The following FRMPD4 variants were observed in gnomAD, a reference collection of about 807,000 sequenced individuals.
FRMPD4 encodes FERM and PDZ domain containing 4.
FRMPD4 carries 22 observed loss-of-function variants against 94.1 expected under a neutral mutation model. The observed-to-expected ratio is 0.23, with a 90% CI of 0.17 to 0.33. The LOEUF (loss-of-function observed/expected upper bound fraction) is 0.33, where lower values mean the gene tolerates loss of function less well. Ranked by LOEUF, FRMPD4 falls within the 10% of genes least tolerant of loss-of-function variation. FRMPD4 has a pLI of 1.00. For missense variants in FRMPD4, 1,111 were observed against 1,339.9 expected (o/e 0.83, Z 2.67); for synonymous variants, 631 against 548.6 (o/e 1.15, Z -2.10).
intron 2 of FRMPD4, among the ~76,000 whole-genome samples, chrX:12,507,775 G>T (rs1174390304): frequency 9.0e-6 from 1 of 111,596 alleles, no homozygotes; most frequent in Non-Finnish European, 1.9e-5. Flanking sequence ...TACCTTAAAG[G>T]TTGTTCTAGG....
intron 12 of FRMPD4, 64 bp from the exon 13 acceptor site, chrX:12,707,405 G>A (rs2041897310): frequency 1.2e-6 from 1 of 836,879 alleles, no homozygotes; most frequent in Non-Finnish European, 1.7e-6. Flanking sequence ...TAGGATCATA[G>A]GTTCAAGTTG....
intron 1 of FRMPD4, among the ~76,000 whole-genome samples, chrX:12,346,645 C>G (rs1399154362): frequency 9.0e-6 from 1 of 111,511 alleles, no homozygotes; most frequent in Non-Finnish European, 1.9e-5. Flanking sequence ...AATTTGGAGT[C>G]TGCCTCCTAG....
intron 3 of FRMPD4, among the ~76,000 whole-genome samples, chrX:11,960,757 C>T (rs1214126004): frequency 8.9e-6 from 1 of 111,962 alleles, no homozygotes; most frequent in Non-Finnish European, 1.9e-5. Context: ...TATATATCTG[C>T]TACCTCCATG....
chrX:12,481,826 C>CA (rs2148195990), intron 1 of FRMPD4, among the ~76,000 whole-genome samples: 1 of 104,030 alleles, frequency 9.6e-6, no homozygotes, highest in East Asian at 3.0e-4. Context: ...CCTGTAGTCC[C>CA]AGCTGCTGGG....
chrX:12,436,045 G>A (rs189101715), intron 1 of FRMPD4, among the ~76,000 whole-genome samples: 3 of 110,935 alleles, frequency 2.7e-5, no homozygotes, highest in African/African-American at 6.6e-5. Context: ...TTGCTCTGTC[G>A]CCCAAGCTGG....
chrX:12,331,848 A>G (rs187193115), intron 1 of FRMPD4, among the ~76,000 whole-genome samples: 74 of 47,510 alleles, frequency 1.6e-3, no homozygotes, highest in South Asian at 2.5e-3. Context: ...TTTATATACT[A>G]TATATAAATT....
chrX:12,098,737 C>T (rs1198720615), intron 3 of FRMPD4, among the ~76,000 whole-genome samples: 1 of 110,787 alleles, frequency 9.0e-6, no homozygotes, highest in Admixed American at 9.6e-5. Context: ...GATGCTGCAT[C>T]CTACAAAGCA....
intron 3 of FRMPD4, among the ~76,000 whole-genome samples, chrX:11,953,078 C>A (rs948973516): frequency 9.0e-6 from 1 of 110,906 alleles, no homozygotes; most frequent in East Asian, 2.8e-4. Context: ...ATAAGTAGAC[C>A]AACTCAAACC....
At chrX:12,608,112 T>G (rs1201251011) in intron 2 of FRMPD4, among the ~76,000 whole-genome samples, 2 of 112,625 alleles carry the variant, frequency 1.8e-5, no homozygotes, top group African/African-American at 3.2e-5. Flanking sequence ...TGAAATAATC[T>G]TAGCTTACAT....
intron 1 of FRMPD4, among the ~76,000 whole-genome samples, chrX:11,846,647 TAACC>T (rs1330254608): frequency 9.3e-6 from 1 of 107,628 alleles, no homozygotes; most frequent in Admixed American, 9.9e-5. Flanking sequence ...AAGGCTACAG[TAACC>T]AAAACAGCAT....
chrX:12,675,538 T>A (rs1009376322), intron 5 of FRMPD4, among the ~76,000 whole-genome samples: 5 of 110,913 alleles, frequency 4.5e-5, no homozygotes, highest in African/African-American at 6.6e-5. Flanking sequence ...TATGCAACGA[T>A]CACCCCATCC....
intron 3 of FRMPD4, among the ~76,000 whole-genome samples, chrX:11,902,847 G>C (rs143343354): frequency 2.3e-4 from 26 of 111,943 alleles, no homozygotes; most frequent in African/African-American, 7.8e-4. Context: ...GAGCAAACGT[G>C]AGGGCAGGAA....
chrX:12,189,388 T>C (rs1029456830), intron 1 of FRMPD4, among the ~76,000 whole-genome samples: 3 of 111,204 alleles, frequency 2.7e-5, no homozygotes, highest in Non-Finnish European at 3.8e-5. Context: ...TTCCAGAAGA[T>C]AGAGGCAAAA....
intron 1 of FRMPD4, among the ~76,000 whole-genome samples, chrX:12,152,974 C>T (rs1185840356): frequency 3.9e-4 from 40 of 101,567 alleles, no homozygotes; most frequent in Non-Finnish European, 4.6e-4. Context: ...TTGCCCAGGC[C>T]GGACTGCGGA....
chrX:12,023,201 C>T (rs919895140), intron 3 of FRMPD4, among the ~76,000 whole-genome samples: 1 of 111,572 alleles, frequency 9.0e-6, no homozygotes, highest in Non-Finnish European at 1.9e-5. Context: ...AAAGAAGACA[C>T]TCACCAGACT....
intron 1 of FRMPD4, among the ~76,000 whole-genome samples, chrX:12,245,564 A>G (rs2053945716): frequency 1.2e-5 from 1 of 83,976 alleles, no homozygotes; most frequent in African/African-American, 4.8e-5. Flanking sequence ...CTCATAGAGG[A>G]TGTCTGCTCT....
intron 4 of FRMPD4, among the ~76,000 whole-genome samples, chrX:12,663,312 T>A (rs1238293386): frequency 8.9e-6 from 1 of 111,987 alleles, no homozygotes; most frequent in East Asian, 2.8e-4. Flanking sequence ...GCCTCTAGGG[T>A]TTTTATGGTT....
intron 1 of FRMPD4, among the ~76,000 whole-genome samples, chrX:11,845,275 A>G (rs1220249715): frequency 4.5e-5 from 5 of 112,168 alleles, no homozygotes; most frequent in Non-Finnish European, 9.4e-5. Flanking sequence ...GAAAGAAATA[A>G]ACATGTGACA....
chrX:12,429,293 G>A (rs754424417), intron 1 of FRMPD4, among the ~76,000 whole-genome samples: 45 of 111,873 alleles, frequency 4.0e-4, no homozygotes, highest in African/African-American at 1.4e-3. Flanking sequence ...CACTGATTGT[G>A]GAAGGATGGT....
Sources: gnomAD v4.1 joint callset for allele counts (sites outside exome capture counted in the v4.1 genomes callset) on GRCh38, gnomAD v4.1.1 for gene constraint, MANE v1.5 for transcripts, NCBI Gene and HGNC (gene_info 2026-07-23, HGNC 2026-07-21) for gene names.